RASEF: variants seen among roughly 807,000 people sequenced by gnomAD.
The protein encoded by RASEF is RAS and EF-hand domain containing, also known as ras and EF-hand domain-containing protein.
A neutral mutation model predicts 90.1 loss-of-function variants in RASEF; 68 were observed. The ratio of observed to expected loss-of-function variants is 0.75; its 90% confidence interval spans 0.62 to 0.92. The LOEUF (loss-of-function observed/expected upper bound fraction) is 0.92, where lower values mean the gene tolerates loss of function less well. RASEF is among the 40% of genes least tolerant of loss of function. RASEF has a pLI of 0.00. For synonymous variants in RASEF, 331 were observed against 345.2 expected (o/e 0.96, Z 0.46); for missense variants, 949 against 937.2 (o/e 1.01, Z -0.16).
At chr9:83,057,360 A>G (rs1254519415) in intron 1 of RASEF, among the ~76,000 whole-genome samples, 4 of 152,240 alleles carry the variant, frequency 2.6e-5, no homozygotes, top group African/African-American at 4.8e-5. Context: ...ACAAAAATCA[A>G]TGTAGAAAAA....
chr9:83,078,312 G>A, the RASEF span, among the ~76,000 whole-genome samples: 2 of 152,166 alleles, frequency 1.3e-5, no homozygotes, highest in Non-Finnish European at 2.9e-5. Context: ...ACCTCAGCCT[G>A]CCTTGATTTG....
At chr9:83,083,249 A>T in the RASEF span, among the ~76,000 whole-genome samples, 2 of 152,206 alleles carry the variant, frequency 1.3e-5, no homozygotes, top group Non-Finnish European at 2.9e-5. Context: ...CCATACTACC[A>T]TGAACACACC....
the RASEF span, among the ~76,000 whole-genome samples, chr9:83,154,346 G>A: frequency 3.3e-5 from 5 of 152,152 alleles, no homozygotes; most frequent in African/African-American, 4.8e-5. Flanking sequence ...CTATTTGACC[G>A]TAAGGTCTCA....
chr9:83,111,657 A>G, the RASEF span, among the ~76,000 whole-genome samples: 2 of 152,166 alleles, frequency 1.3e-5, no homozygotes, highest in Admixed American at 6.6e-5. Flanking sequence ...TAAAGTTAGG[A>G]AAAAAGAATA....
At chr9:83,040,493 G>C (rs920101778) in intron 1 of RASEF, among the ~76,000 whole-genome samples, 22 of 152,008 alleles carry the variant, frequency 1.4e-4, no homozygotes, top group African/African-American at 5.3e-4. Context: ...CAAAAGATAA[G>C]GATTTGCTTG....
At chr9:83,164,624 A>AT in the RASEF span, among the ~76,000 whole-genome samples, 5 of 151,074 alleles carry the variant, frequency 3.3e-5, no homozygotes, top group Non-Finnish European at 5.9e-5. Context: ...AAAAAAAAAA[A>AT]GAAGGCAAAA....
At chr9:83,165,780 A>G in the RASEF span, among the ~76,000 whole-genome samples, 1 of 152,136 alleles carries the variant, frequency 6.6e-6, no homozygotes, top group East Asian at 1.9e-4. Context: ...AAAAAGTGAG[A>G]TGACACACAA....
At chr9:83,122,556 G>A in the RASEF span, among the ~76,000 whole-genome samples, 8 of 152,280 alleles carry the variant, frequency 5.3e-5, no homozygotes, top group East Asian at 1.2e-3. Flanking sequence ...CTCAGATTGC[G>A]TGAGAGAGCG....
chr9:83,062,308 G>A (rs1830218368), intron 1 of RASEF, 129 bp downstream of exon 1: 3 of 877,022 alleles, frequency 3.4e-6, no homozygotes, highest in East Asian at 2.7e-5. Flanking sequence ...GCGAGTAGGT[G>A]AAGGAAGACA....
chr9:83,062,773 T>G lies in RASEF; in HGVS notation c.95A>C (p.Glu32Ala). ...CAGCTCCGTGCACAGTGCCCGGAAC[T>G]CCTCGCGCTCCAGGCGCCCCGAGCG... ...ANRSGRLERE[E>A]FRALCTELRV... Residue 32 changes from glutamate (E) to alanine (A), a missense_variant, in exon 1 of 17, where the codon GAG (glutamate) becomes GCG (alanine). Glu to Ala is a moderately radical substitution (Grantham distance 107). Coordinates refer to ENST00000376447, the MANE Select transcript of RASEF (RefSeq NM_152573.4). 1 of 1,558,762 alleles carries G rather than the reference T, an allele frequency of 6.4e-7. No individual in the cohort carries two copies. Among genetic ancestry groups the G allele is most frequent in the African/African-American group, 1.4e-5 (1 of 72,820 alleles).
the RASEF span, among the ~76,000 whole-genome samples, chr9:83,172,715 A>G: frequency 2.6e-5 from 4 of 151,996 alleles, no homozygotes; most frequent in East Asian, 1.9e-4. Flanking sequence ...TATATTGTCT[A>G]TCTCTTAAGA....
At chr9:83,148,373 T>C in the RASEF span, among the ~76,000 whole-genome samples, 16 of 152,158 alleles carry the variant, frequency 1.1e-4, no homozygotes, top group African/African-American at 3.9e-4. Context: ...CTCAATCCAA[T>C]ATAACTGGTA....
At position 82,981,208 on chromosome 9, in the gene RASEF, CTT is replaced by C. The variant is rs753382362; in HGVS notation, c.*1467_*1468del. 6.6e-6 allele frequency: 1 copy of C among 152,174 alleles called. No homozygotes were observed. Among genetic ancestry groups the C allele is most frequent in the Non-Finnish European group, 1.5e-5 (1 of 68,036 alleles). The allele number at this position is 152,174 out of a possible 1,614,324, so 9.4% of individuals were successfully genotyped here. A position where few individuals can be genotyped will look rare whatever the true frequency, so the allele number is the denominator to read the frequency against. ...TAGATGAAGCAAGGTAAATTAGAAT[CTT>C]TTGTTGTAGCCCACCCTAGGCTCAA... On this transcript the variant is annotated 3_prime_UTR_variant, in exon 17 of 17. Coordinates refer to ENST00000376447, the MANE Select transcript of RASEF (RefSeq NM_152573.4).
chr9:83,028,073 A>G (rs1393435395), intron 1 of RASEF, among the ~76,000 whole-genome samples: 1 of 152,220 alleles, frequency 6.6e-6, no homozygotes, highest in Non-Finnish European at 1.5e-5. Flanking sequence ...AAATTTTGAG[A>G]ACAGTCAATT....
rs1256794519 is a variant in RASEF at position 83,001,019 on chromosome 9, G to A, written c.1314C>T (p.Ser438=). ...TGGGATCTCTCAAGGTAGACAAGCC[G>A]CTGTCGAAGCAGCTTTCAGGCAGGC... is the stretch of plus-strand genomic sequence containing the variant. ...VDSLPESCFD[S]GLSTLRDPNE... The change falls in exon 10 of 17, where the codon AGC becomes AGT. Residue 438 remains serine (S), a synonymous_variant. Coordinates refer to ENST00000376447, the MANE Select transcript of RASEF (RefSeq NM_152573.4). 9.3e-6 allele frequency: 15 copies of A among 1,614,084 alleles called. No individual in the cohort carries two copies. Among genetic ancestry groups the A allele is most frequent in the East Asian group, 4.5e-5 (2 of 44,864 alleles).
chr9:82,983,133 AC>A (rs1471078102), intron 16 of RASEF, among the ~76,000 whole-genome samples: 8 of 150,966 alleles, frequency 5.3e-5, no homozygotes, highest in Admixed American at 2.0e-4. Flanking sequence ...ACACACACAC[AC>A]ACACACACAC....
At chr9:83,158,785 T>C in the RASEF span, among the ~76,000 whole-genome samples, 2 of 150,480 alleles carry the variant, frequency 1.3e-5, no homozygotes, top group East Asian at 3.9e-4. Flanking sequence ...TGAATATATA[T>C]ACACACATAT....
chr9:83,189,791 A>G, the RASEF span, among the ~76,000 whole-genome samples: 1 of 152,204 alleles, frequency 6.6e-6, no homozygotes, highest in South Asian at 2.1e-4. Context: ...ATGTAATTAC[A>G]TCTTTTCTAC....
chr9:83,055,452 C>T (rs1009281882), intron 1 of RASEF: 6 of 646,152 alleles, frequency 9.3e-6, no homozygotes, highest in South Asian at 1.6e-5. Context: ...TCTCGCACTC[C>T]GTAGTGAGAT....
Sources: gnomAD v4.1 joint callset for allele counts (sites outside exome capture counted in the v4.1 genomes callset) on GRCh38, gnomAD v4.1.1 for gene constraint, MANE v1.5 for transcripts, NCBI Gene and HGNC (gene_info 2026-07-23, HGNC 2026-07-21) for gene names.